The following DPYD variants were observed in gnomAD, a reference collection of about 807,000 sequenced individuals.
DPYD encodes the protein dihydropyrimidine dehydrogenase [NADP(+)].
A neutral mutation model predicts 116.2 loss-of-function variants in DPYD; 109 were observed. That is an observed-to-expected ratio of 0.94 (90% confidence interval 0.80 to 1.10). DPYD has a LOEUF of 1.10. DPYD is among the 50% of genes least tolerant of loss of function. DPYD has a pLI of 0.00. For missense variants in DPYD, 1,302 were observed against 1,254.5 expected (o/e 1.04, Z -0.57); for synonymous variants, 440 against 432.0 (o/e 1.02, Z -0.23).
At chr1:97,715,314 T>C (rs920331805) in intron 5 of DPYD, among the ~76,000 whole-genome samples, 3 of 152,106 alleles carry the variant, frequency 2.0e-5, no homozygotes, top group African/African-American at 7.2e-5. Context: ...TCTAATCACC[T>C]CCAAAACCAT....
At chr1:97,629,768 A>G (rs72975747) in intron 8 of DPYD, among the ~76,000 whole-genome samples, 1 of 152,168 alleles carries the variant, frequency 6.6e-6, no homozygotes, top group African/African-American at 2.4e-5. Context: ...CTACGAGTGG[A>G]TTTTAGAAAT....
chr1:97,614,497 T>C (rs2100755396), intron 8 of DPYD, among the ~76,000 whole-genome samples: 1 of 152,128 alleles, frequency 6.6e-6, no homozygotes, highest in African/African-American at 2.4e-5. Context: ...ATAAAAGGCA[T>C]GTCAAGGACA....
intron 20 of DPYD, among the ~76,000 whole-genome samples, chr1:97,146,225 A>C (rs1392224829): frequency 6.6e-6 from 1 of 152,198 alleles, no homozygotes; most frequent in Non-Finnish European, 1.5e-5. Context: ...TTGTATAAGA[A>C]AACTAATACA....
intron 8 of DPYD, among the ~76,000 whole-genome samples, chr1:97,596,626 G>A (rs1654904606): frequency 6.6e-6 from 1 of 152,096 alleles, no homozygotes; most frequent in African/African-American, 2.4e-5. Flanking sequence ...TGAAATGAAG[G>A]GCAATGGACA....
intron 20 of DPYD, among the ~76,000 whole-genome samples, chr1:97,190,751 A>C (rs1290415089): frequency 1.3e-5 from 2 of 152,194 alleles, no homozygotes; most frequent in Admixed American, 6.5e-5. Context: ...ATACTTGGCC[A>C]AATCCTTGTT....
At chr1:97,468,419 AAGAGACCCCTAG>A (rs1442504270) in intron 13 of DPYD, among the ~76,000 whole-genome samples, 1 of 152,144 alleles carries the variant, frequency 6.6e-6, no homozygotes, top group Non-Finnish European at 1.5e-5. Context: ...GCCCTTATAG[AAGAGACCCCTAG>A]AGAGACCCCT....
intron 18 of DPYD, among the ~76,000 whole-genome samples, chr1:97,289,208 CAA>C (rs899942593): frequency 5.3e-5 from 8 of 151,590 alleles, no homozygotes; most frequent in Non-Finnish European, 8.8e-5. Flanking sequence ...GCTTACCAAC[CAA>C]AAAGAGTCCA....
intron 8 of DPYD, among the ~76,000 whole-genome samples, chr1:97,645,008 T>C (rs1041338411): frequency 1.4e-4 from 22 of 152,098 alleles, no homozygotes; most frequent in African/African-American, 5.1e-4. Context: ...CCCAGTACTG[T>C]TCCATCTTAG....
At chr1:97,170,737 G>A (rs576013472) in intron 20 of DPYD, among the ~76,000 whole-genome samples, 17 of 151,128 alleles carry the variant, frequency 1.1e-4, no homozygotes, top group East Asian at 2.0e-4. Context: ...GTGCAGTGGC[G>A]TGATCTTGGC....
intron 8 of DPYD, among the ~76,000 whole-genome samples, chr1:97,675,886 T>C (rs184995570): frequency 1.3e-5 from 2 of 151,906 alleles, no homozygotes; most frequent in South Asian, 2.1e-4. Context: ...GTAGCTGGGA[T>C]TACAGGTGCA....
chr1:97,087,045 T>C (rs1649567155), intron 21 of DPYD, among the ~76,000 whole-genome samples: 1 of 152,254 alleles, frequency 6.6e-6, no homozygotes, highest in African/African-American at 2.4e-5. Context: ...CAGTTTGCTC[T>C]TACTGAATTT....
chr1:97,241,976 G>T (rs1158139625), intron 18 of DPYD, among the ~76,000 whole-genome samples: 1 of 150,522 alleles, frequency 6.6e-6, no homozygotes, highest in Admixed American at 6.6e-5. Flanking sequence ...TATAACATTT[G>T]GGGTTCCTTT....
chr1:97,536,009 G>A (rs1649965871), intron 12 of DPYD, among the ~76,000 whole-genome samples: 1 of 152,190 alleles, frequency 6.6e-6, no homozygotes, highest in Admixed American at 6.5e-5. Flanking sequence ...TTTAATGTAT[G>A]TTTATTTATA....
At chr1:97,100,787 T>C (rs1381786423) in intron 20 of DPYD, among the ~76,000 whole-genome samples, 2 of 152,072 alleles carry the variant, frequency 1.3e-5, no homozygotes, top group Non-Finnish European at 2.9e-5. Flanking sequence ...ATTTCAACAA[T>C]GGTAATAAGA....
intron 8 of DPYD, among the ~76,000 whole-genome samples, chr1:97,646,581 T>C (rs1354875567): frequency 2.0e-5 from 3 of 152,096 alleles, no homozygotes; most frequent in Non-Finnish European, 4.4e-5. Flanking sequence ...ATTCAAAATG[T>C]TTTGTTATTT....
chr1:97,760,652 G>A (rs887777873), intron 3 of DPYD, among the ~76,000 whole-genome samples: 2 of 152,034 alleles, frequency 1.3e-5, no homozygotes, highest in Non-Finnish European at 2.9e-5. Flanking sequence ...GAACCTTGGT[G>A]GACGACTATA....
intron 1 of DPYD, among the ~76,000 whole-genome samples, chr1:97,917,275 T>G (rs1674264571): frequency 6.6e-6 from 1 of 152,216 alleles, no homozygotes; most frequent in Non-Finnish European, 1.5e-5. Flanking sequence ...TTATTATCTT[T>G]TTTGGATCCA....
intron 12 of DPYD, among the ~76,000 whole-genome samples, chr1:97,548,228 C>T (rs535729274): frequency 2.0e-5 from 3 of 152,216 alleles, no homozygotes; most frequent in East Asian, 3.9e-4. Context: ...TTTCCAGGAA[C>T]ATTTTACATA....
At chr1:97,546,736 C>A (rs780291365) in intron 12 of DPYD, 102 of 1,612,992 alleles carry the variant, frequency 6.3e-5, no homozygotes, top group Non-Finnish European at 8.0e-5. Flanking sequence ...GTTTCCTGCA[C>A]CAGGCAAGCC....
Sources: allele counts gnomAD v4.1 joint callset (sites outside exome capture counted in the v4.1 genomes callset), GRCh38; gene constraint gnomAD v4.1.1; transcripts MANE v1.5; gene names NCBI Gene and HGNC (gene_info 2026-07-23, HGNC 2026-07-21).